The following TBC1D22A variants were observed in gnomAD, a reference collection of about 807,000 sequenced individuals.
TBC1D22A encodes the protein TBC1 domain family member 22A.
Under a neutral mutation model 60.2 loss-of-function variants are expected in TBC1D22A, and 38 were observed. The ratio of observed to expected loss-of-function variants is 0.63; its 90% CI spans 0.49 to 0.83. The LOEUF (loss-of-function observed/expected upper bound fraction) is 0.83, where lower values mean the gene tolerates loss of function less well. Among genes scored for constraint, TBC1D22A ranks in the 40% least tolerant of loss-of-function variants. TBC1D22A has a pLI of 0.00. For missense variants in TBC1D22A, 628 were observed against 701.0 expected, an observed-to-expected ratio of 0.90 and a Z score of 1.18; for synonymous variants, 302 against 281.7, an observed-to-expected ratio of 1.07 and a Z score of -0.72.
intron 4 of TBC1D22A, among the ~76,000 whole-genome samples, chr22:46,830,609 G>A (rs1439571040): frequency 6.6e-6 from 1 of 152,204 alleles, no homozygotes; most frequent in East Asian, 1.9e-4. Flanking sequence ...CACTTTCCGT[G>A]GGCCAGCTGA....
At chr22:46,827,895 C>T (rs1020820777) in intron 4 of TBC1D22A, among the ~76,000 whole-genome samples, 4 of 152,206 alleles carry the variant, frequency 2.6e-5, no homozygotes, top group Admixed American at 1.3e-4. Flanking sequence ...GCGTTAAGGC[C>T]GCTCTGCAGC....
At chr22:46,970,194 C>T (rs554953204) in intron 8 of TBC1D22A, among the ~76,000 whole-genome samples, 1 of 152,098 alleles carries the variant, frequency 6.6e-6, no homozygotes, top group Non-Finnish European at 1.5e-5. Flanking sequence ...TCTCCCAAGG[C>T]CCCGGGGCCT....
chr22:46,823,074 C>T (rs1424620166), intron 4 of TBC1D22A, among the ~76,000 whole-genome samples: 2 of 152,176 alleles, frequency 1.3e-5, no homozygotes, highest in Non-Finnish European at 2.9e-5. Flanking sequence ...TATCCGGCTG[C>T]ATCAGGCTTC....
At chr22:47,159,264 AACAC>A (rs1174305435) in intron 12 of TBC1D22A, among the ~76,000 whole-genome samples, 2 of 148,784 alleles carry the variant, frequency 1.3e-5, no homozygotes, top group African/African-American at 5.1e-5. Flanking sequence ...GCACGCAGAC[AACAC>A]ACACCATGTA....
chr22:46,964,853 G>A (rs1312370469), intron 8 of TBC1D22A, among the ~76,000 whole-genome samples: 1 of 152,218 alleles, frequency 6.6e-6, no homozygotes. Flanking sequence ...AGTGACCACA[G>A]CCAGCCTTTC....
intron 4 of TBC1D22A, among the ~76,000 whole-genome samples, chr22:46,802,259 A>G (rs1190845141): frequency 1.3e-5 from 2 of 152,228 alleles, no homozygotes; most frequent in Non-Finnish European, 1.5e-5. Context: ...AGGAGCTGAC[A>G]TTCTCGTGTG....
intron 1 of TBC1D22A, among the ~76,000 whole-genome samples, chr22:46,784,613 C>T (rs1021527822): frequency 3.3e-5 from 5 of 152,092 alleles, no homozygotes; most frequent in African/African-American, 9.7e-5. Flanking sequence ...CCGGCTGTCC[C>T]GGGAGGAAAA....
intron 4 of TBC1D22A, among the ~76,000 whole-genome samples, chr22:46,815,233 G>C (rs2085544746): frequency 6.6e-6 from 1 of 152,220 alleles, no homozygotes; most frequent in African/African-American, 2.4e-5. Flanking sequence ...CGTGAGCCCT[G>C]GGGCGAGGAC....
chr22:47,064,138 T>A (rs2063679184), intron 11 of TBC1D22A, among the ~76,000 whole-genome samples: 1 of 152,250 alleles, frequency 6.6e-6, no homozygotes, highest in Admixed American at 6.5e-5. Flanking sequence ...ATCCACTCGC[T>A]GTGGACAGGC....
At chr22:46,847,865 T>C (rs562636171) in intron 4 of TBC1D22A, among the ~76,000 whole-genome samples, 1 of 152,144 alleles carries the variant, frequency 6.6e-6, no homozygotes, top group African/African-American at 2.4e-5. Context: ...TCTAAAAACA[T>C]GTAGAGGACC....
intron 8 of TBC1D22A, among the ~76,000 whole-genome samples, chr22:46,917,810 G>A (rs922077189): frequency 3.3e-5 from 5 of 152,252 alleles, no homozygotes; most frequent in African/African-American, 1.2e-4. Flanking sequence ...TCTCCGAGCT[G>A]TGACTGTCTG....
At chr22:46,861,696 C>G (rs538566204) in intron 4 of TBC1D22A, among the ~76,000 whole-genome samples, 3 of 152,370 alleles carry the variant, frequency 2.0e-5, no homozygotes, top group South Asian at 2.1e-4. Context: ...ACTCATGTCC[C>G]CCCGCTCAGA....
rs534393898 is a variant in TBC1D22A, at chr22:46,913,400, C to T, written c.1015+1212C>T. ...GTGATCTGGAGAGATGAGCCTTACCCGAGGACAGATGAACAGATTATCCTC... is the reference window on the plus strand; with the variant it reads ...GTGATCTGGAGAGATGAGCCTTACCTGAGGACAGATGAACAGATTATCCTC... On this transcript the variant is annotated intron_variant, in intron 8 of 12. Transcript: ENST00000337137. 7.7e-5 allele frequency: 105 copies of T among 1,366,376 alleles called. 1 individual carries two copies. In the South Asian group the frequency reaches 8.0e-4, roughly 10 times the overall value. The allele number at this position is 1,366,376 out of a possible 1,614,324, so 84.6% of individuals were successfully genotyped here.
chr22:46,863,131 C>A (rs1323064841), intron 4 of TBC1D22A, among the ~76,000 whole-genome samples: 1 of 152,144 alleles, frequency 6.6e-6, no homozygotes, highest in Admixed American at 6.5e-5. Context: ...GTTAGGTACT[C>A]ACACCAGGTT....
intron 8 of TBC1D22A, among the ~76,000 whole-genome samples, chr22:46,946,510 G>A (rs2072552477): frequency 6.6e-6 from 1 of 152,162 alleles, no homozygotes; most frequent in South Asian, 2.1e-4. Flanking sequence ...CAGATGGAGA[G>A]TAGATAGAGC....
intron 4 of TBC1D22A, among the ~76,000 whole-genome samples, chr22:46,850,123 G>A (rs2087202643): frequency 6.6e-6 from 1 of 152,216 alleles, no homozygotes; most frequent in African/African-American, 2.4e-5. Context: ...CATGGTGGAT[G>A]CAGGCAGGGG....
At chr22:46,904,213 T>G (rs1349435410) in intron 7 of TBC1D22A, among the ~76,000 whole-genome samples, 1 of 132,728 alleles carries the variant, frequency 7.5e-6, no homozygotes, top group Non-Finnish European at 1.5e-5. Flanking sequence ...CTCAATGCGG[T>G]TTTTTGAAAA....
chr22:47,100,158 G>T (rs1196112187), intron 11 of TBC1D22A, among the ~76,000 whole-genome samples: 1 of 152,208 alleles, frequency 6.6e-6, no homozygotes, highest in Non-Finnish European at 1.5e-5. Flanking sequence ...GCCGGTCCTG[G>T]CTTGTTCTTA....
chr22:47,074,525 T>A (rs867494416), intron 11 of TBC1D22A, among the ~76,000 whole-genome samples: 2 of 152,254 alleles, frequency 1.3e-5, no homozygotes, highest in Non-Finnish European at 2.9e-5. Context: ...CTCTCATTGA[T>A]CCTCAGCTAC....
Sources: allele counts gnomAD v4.1 joint callset (sites outside exome capture counted in the v4.1 genomes callset), GRCh38; gene constraint gnomAD v4.1.1; transcripts MANE v1.5; gene names NCBI Gene and HGNC (gene_info 2026-07-23, HGNC 2026-07-21).